The following LMNB1 variants were observed in gnomAD, a reference collection of about 807,000 sequenced individuals.
LMNB1 encodes lamin B1.
LMNB1 carries 23 observed loss-of-function variants against 67.1 expected under a neutral mutation model. The ratio of observed to expected loss-of-function variants is 0.34; its 90% CI spans 0.25 to 0.49. The LOEUF (loss-of-function observed/expected upper bound fraction) is 0.49, where lower values mean the gene tolerates loss of function less well. Among genes scored for constraint, LMNB1 ranks in the 20% least tolerant of loss-of-function variants. LMNB1 has a pLI of 0.99. For synonymous variants in LMNB1, 281 were observed against 282.9 expected, an observed-to-expected ratio of 0.99 and a Z score of 0.07; for missense variants, 634 against 746.5, an observed-to-expected ratio of 0.85 and a Z score of 1.76.
chr5:126,819,784 G>T (rs1048399696), intron 6 of LMNB1, among the ~76,000 whole-genome samples: 3 of 151,298 alleles, frequency 2.0e-5, no homozygotes, highest in Non-Finnish European at 4.4e-5. Flanking sequence ...CACCACGCCC[G>T]GCTGGCTTTA....
At chr5:126,780,691 A>T (rs1409366384) in intron 1 of LMNB1, among the ~76,000 whole-genome samples, 1 of 152,122 alleles carries the variant, frequency 6.6e-6, no homozygotes, top group Non-Finnish European at 1.5e-5. Flanking sequence ...ATTTTTCTTA[A>T]GTCTGTGCTA....
At chr5:126,803,766 G>C (rs1037325991) in intron 1 of LMNB1, among the ~76,000 whole-genome samples, 2 of 151,784 alleles carry the variant, frequency 1.3e-5, no homozygotes, top group Admixed American at 1.3e-4. Flanking sequence ...GGCAAGGCTG[G>C]TCTCGAACTC....
At chr5:126,804,262 G>C (rs1379914980) in intron 1 of LMNB1, among the ~76,000 whole-genome samples, 3 of 69,052 alleles carry the variant, frequency 4.3e-5, no homozygotes, top group South Asian at 9.7e-4. Flanking sequence ...TTTTTTTGTA[G>C]ATTTGGGGTC....
intron 1 of LMNB1, among the ~76,000 whole-genome samples, chr5:126,791,791 T>C (rs1442726097): frequency 1.3e-5 from 2 of 151,238 alleles, no homozygotes; most frequent in African/African-American, 2.4e-5. Context: ...GATGTCTCTT[T>C]TTTTGTTTTT....
chr5:126,810,621 A>G (rs1561747048), intron 4 of LMNB1, among the ~76,000 whole-genome samples: 1 of 152,246 alleles, frequency 6.6e-6, no homozygotes, highest in Non-Finnish European at 1.5e-5. Context: ...GTACTATGCC[A>G]TAGTAGTTGA....
upstream of LMNB1, chr5:126,776,889 G>A (rs1431671368): frequency 6.6e-6 from 1 of 152,198 alleles, no homozygotes; most frequent in Non-Finnish European, 1.5e-5. Flanking sequence ...CCCTGAGCCT[G>A]GTCCGGGAAC....
intron 7 of LMNB1, among the ~76,000 whole-genome samples, chr5:126,821,918 G>A (rs1751878898): frequency 6.6e-6 from 1 of 152,052 alleles, no homozygotes; most frequent in South Asian, 2.1e-4. Context: ...TATCTTGCAT[G>A]TGGATGAATA....
chr5:126,790,571 A>G (rs1750928005), intron 1 of LMNB1, among the ~76,000 whole-genome samples: 1 of 151,970 alleles, frequency 6.6e-6, no homozygotes, highest in Non-Finnish European at 1.5e-5. Context: ...ACTTTTTCCC[A>G]CTTACTTTTT....
intron 1 of LMNB1, among the ~76,000 whole-genome samples, chr5:126,779,284 A>C (rs1750562984): frequency 2.0e-5 from 3 of 152,226 alleles, no homozygotes; most frequent in Admixed American, 2.0e-4. Context: ...CTCTTTCCGG[A>C]GGCAATCACA....
chr5:126,786,425 A>T (rs1750784567), intron 1 of LMNB1, among the ~76,000 whole-genome samples: 1 of 152,108 alleles, frequency 6.6e-6, no homozygotes, highest in African/African-American at 2.4e-5. Flanking sequence ...CCGGCCAGAC[A>T]TTATCTTTTA....
chr5:126,799,464 C>G (rs919031441), intron 1 of LMNB1, among the ~76,000 whole-genome samples: 7 of 152,218 alleles, frequency 4.6e-5, no homozygotes, highest in Admixed American at 6.5e-5. Flanking sequence ...GTGCAGGTAG[C>G]CCCACAAGTC....
At chr5:126,824,351 C>A (rs1751938213) in intron 8 of LMNB1, among the ~76,000 whole-genome samples, 1 of 151,954 alleles carries the variant, frequency 6.6e-6, no homozygotes, top group South Asian at 2.1e-4. Flanking sequence ...ATTGCTTTAA[C>A]ATGTAATCAG....
chr5:126,782,593 A>G (rs1186981415), intron 1 of LMNB1, among the ~76,000 whole-genome samples: 1 of 152,142 alleles, frequency 6.6e-6, no homozygotes, highest in East Asian at 1.9e-4. Flanking sequence ...TCTTTTGCCC[A>G]GGCTGGAGTG....
chr5:126,809,810 A>G (rs758581982), intron 3 of LMNB1, among the ~76,000 whole-genome samples: 2 of 152,252 alleles, frequency 1.3e-5, no homozygotes, highest in Non-Finnish European at 2.9e-5. Context: ...AAGATTATCA[A>G]TGAAACAATT....
At position 126,801,149 on chromosome 5, in the gene LMNB1, A is replaced by G. The variant is rs113687845; in HGVS notation, c.360-3627A>G. On this transcript the variant is annotated intron_variant, in intron 1 of 10. Coordinates refer to ENST00000261366, the MANE Select transcript of LMNB1 (RefSeq NM_005573.4). ...CAGGCATGTGCCACCACGCCTGGCT[A>G]ATTTTTTTTATTTTTAGTAGAGATG... Among the ~76,000 whole-genome samples, 355 of 149,430 alleles carry G rather than the reference A, an allele frequency of 2.4e-3. 1 individual carries two copies. Among genetic ancestry groups the G allele is most frequent in the African/African-American group, 7.7e-3 (314 of 40,662 alleles).
chr5:126,798,178 G>C (rs1211699446), intron 1 of LMNB1, among the ~76,000 whole-genome samples: 1 of 150,960 alleles, frequency 6.6e-6, no homozygotes, highest in Non-Finnish European at 1.5e-5. Context: ...AGCTGGGCGC[G>C]GTGGCTCACC....
At chr5:126,796,205 A>T (rs1398531369) in intron 1 of LMNB1, among the ~76,000 whole-genome samples, 1 of 152,040 alleles carries the variant, frequency 6.6e-6, no homozygotes, top group Non-Finnish European at 1.5e-5. Flanking sequence ...CTGGGATTAT[A>T]GGTGTGAGCT....
rs1750486331 is a variant in LMNB1 at position 126,777,413 on chromosome 5, G to A, written c.-96G>A. On this transcript the variant is annotated 5_prime_UTR_variant, in exon 1 of 11. Coordinates refer to ENST00000261366, the MANE Select transcript of LMNB1 (RefSeq NM_005573.4). ...CGTCTGGACGTGAGCGCAGGTCGCC[G>A]GTTTGTGCCTTCGGTCCCCGCTTCG... is the stretch of plus-strand genomic sequence containing the variant. 51 of 1,235,388 alleles carry A rather than the reference G, an allele frequency of 4.1e-5. No individual in the cohort carries two copies. The highest frequency in any genetic ancestry group is 5.0e-5 in the Non-Finnish European group (49 of 987,302). 76.5% of individuals were successfully genotyped at this position (1,235,388 alleles called of 1,614,324 possible).
At chr5:126,796,621 G>A (rs1415634097) in intron 1 of LMNB1, among the ~76,000 whole-genome samples, 1 of 152,148 alleles carries the variant, frequency 6.6e-6, no homozygotes, top group Non-Finnish European at 1.5e-5. Context: ...TAGGCCTCAG[G>A]AGAGGATAGG....
Sources: gnomAD v4.1 joint callset for allele counts (sites outside exome capture counted in the v4.1 genomes callset) on GRCh38, gnomAD v4.1.1 for gene constraint, MANE v1.5 for transcripts, NCBI Gene and HGNC (gene_info 2026-07-23, HGNC 2026-07-21) for gene names.